ASCC3: variants seen among roughly 807,000 people sequenced by gnomAD.
ASCC3 encodes activating signal cointegrator 1 complex subunit 3.
In ASCC3, 158 loss-of-function variants were observed where a neutral mutation model predicts 256.3. The observed-to-expected ratio is 0.62, with a 90% CI of 0.54 to 0.70. The LOEUF is 0.70. Ranked by LOEUF, ASCC3 falls within the 30% of genes least tolerant of loss-of-function variation. ASCC3 has a pLI of 0.00. For missense variants in ASCC3, 2,259 were observed against 2,626.0 expected, an observed-to-expected ratio of 0.86 and a Z score of 3.05; for synonymous variants, 948 against 883.4, an observed-to-expected ratio of 1.07 and a Z score of -1.30.
At chr6:100,655,641 A>G in intron 17 of ASCC3, 58 bp downstream of exon 17, 1 of 1,565,762 alleles carries the variant, frequency 6.4e-7, no homozygotes, top group South Asian at 1.1e-5. Context: ...CTATCCTCAT[A>G]TCATGAAAGA....
intron 13 of ASCC3, among the ~76,000 whole-genome samples, chr6:100,691,704 TC>T (rs1777858357): frequency 6.6e-6 from 1 of 152,082 alleles, no homozygotes; most frequent in African/African-American, 2.4e-5. Context: ...TTAATATAAA[TC>T]AATTGTTTTT....
intron 10 of ASCC3, among the ~76,000 whole-genome samples, chr6:100,736,363 G>A (rs753967262): frequency 3.3e-5 from 5 of 152,052 alleles, no homozygotes; most frequent in Admixed American, 6.5e-5. Context: ...TTAGCTGGGC[G>A]TGGTGGCACA....
At chr6:100,533,147 C>CA (rs912148591) in intron 37 of ASCC3, among the ~76,000 whole-genome samples, 1 of 151,136 alleles carries the variant, frequency 6.6e-6, no homozygotes, top group Non-Finnish European at 1.5e-5. Context: ...GTGTTTTCTT[C>CA]AAAAGTCTGA....
At chr6:100,745,740 T>C (rs1030355463) in intron 10 of ASCC3, among the ~76,000 whole-genome samples, 6 of 152,170 alleles carry the variant, frequency 3.9e-5, no homozygotes, top group Admixed American at 3.9e-4. Context: ...TAATTTTTAA[T>C]TTTATTTAAT....
intron 10 of ASCC3, among the ~76,000 whole-genome samples, chr6:100,750,152 T>C (rs1205593047): frequency 2.0e-5 from 3 of 151,620 alleles, no homozygotes; most frequent in Admixed American, 1.3e-4. Context: ...TACTTGAAAC[T>C]AAAAAAAATT....
At chr6:100,587,719 T>C (rs1468026599) in intron 36 of ASCC3, among the ~76,000 whole-genome samples, 2 of 152,212 alleles carry the variant, frequency 1.3e-5, no homozygotes, top group African/African-American at 2.4e-5. Flanking sequence ...TATTTAGTTA[T>C]TAACTGGAGA....
At chr6:100,724,906 C>A (rs1779553389) in intron 11 of ASCC3, among the ~76,000 whole-genome samples, 1 of 152,012 alleles carries the variant, frequency 6.6e-6, no homozygotes, top group Non-Finnish European at 1.5e-5. Flanking sequence ...AATGTCTACT[C>A]TAAATCACAG....
At chr6:100,709,187 C>T (rs911419982) in intron 13 of ASCC3, among the ~76,000 whole-genome samples, 8 of 152,224 alleles carry the variant, frequency 5.3e-5, no homozygotes, top group Non-Finnish European at 7.4e-5. Flanking sequence ...GGCAAGACCA[C>T]ACAATGTGGC....
At chr6:100,555,373 A>G (rs997761036) in intron 36 of ASCC3, among the ~76,000 whole-genome samples, 2 of 152,186 alleles carry the variant, frequency 1.3e-5, no homozygotes, top group African/African-American at 2.4e-5. Context: ...TCATTGTCTT[A>G]TAAGTACTTA....
intron 4 of ASCC3, among the ~76,000 whole-genome samples, chr6:100,823,376 G>A (rs1771147545): frequency 6.6e-6 from 1 of 152,180 alleles, no homozygotes; most frequent in African/African-American, 2.4e-5. Context: ...GAAGAAGTTA[G>A]CTGCGGGTAT....
At chr6:100,610,557 T>C (rs548660911) in intron 30 of ASCC3, among the ~76,000 whole-genome samples, 17 of 152,124 alleles carry the variant, frequency 1.1e-4, no homozygotes, top group Non-Finnish European at 2.5e-4. Context: ...ACAAACTAGG[T>C]GATATTTTAA....
chr6:100,845,646 A>C (rs1772347426), intron 4 of ASCC3, among the ~76,000 whole-genome samples: 1 of 152,136 alleles, frequency 6.6e-6, no homozygotes, highest in Non-Finnish European at 1.5e-5. Flanking sequence ...AGTTATTATT[A>C]TTACTATTGT....
At chr6:100,569,988 G>A (rs1770503338) in intron 36 of ASCC3, among the ~76,000 whole-genome samples, 1 of 152,066 alleles carries the variant, frequency 6.6e-6, no homozygotes, top group East Asian at 1.9e-4. Flanking sequence ...TCCTCATAGA[G>A]TTCTTTCACC....
intron 30 of ASCC3, among the ~76,000 whole-genome samples, chr6:100,622,668 T>C (rs958298186): frequency 6.6e-6 from 1 of 151,694 alleles, no homozygotes; most frequent in African/African-American, 2.4e-5. Context: ...TAACAAATAT[T>C]TGTTAATAAA....
chr6:100,511,793 T>C (rs1773776969), intron 40 of ASCC3, among the ~76,000 whole-genome samples: 1 of 151,960 alleles, frequency 6.6e-6, no homozygotes, highest in Non-Finnish European at 1.5e-5. Context: ...TTTTTTAGAA[T>C]TAGAAATCAA....
At chr6:100,705,641 T>C (rs947881950) in intron 13 of ASCC3, among the ~76,000 whole-genome samples, 3 of 151,646 alleles carry the variant, frequency 2.0e-5, no homozygotes, top group Non-Finnish European at 2.9e-5. Flanking sequence ...GAGTATTCAC[T>C]TTTTTTTAAC....
chr6:100,872,753 T>C (rs1773808089), intron 1 of ASCC3, among the ~76,000 whole-genome samples: 1 of 152,076 alleles, frequency 6.6e-6, no homozygotes, highest in African/African-American at 2.4e-5. Flanking sequence ...CAAAGCCTGG[T>C]AGACCTGCTG....
At chr6:100,651,469 T>G (rs771331054) in intron 19 of ASCC3, 91 bp downstream of exon 19, 3 of 569,300 alleles carry the variant, frequency 5.3e-6, no homozygotes, top group Non-Finnish European at 8.8e-6. Context: ...TGATGTGCCA[T>G]ACAGCTTATA....
chr6:100,866,947 T>G (rs1218370610), intron 2 of ASCC3, among the ~76,000 whole-genome samples: 1 of 152,228 alleles, frequency 6.6e-6, no homozygotes, highest in African/African-American at 2.4e-5. Context: ...TTTCTGGAAG[T>G]CTTGATATCA....
Sources: allele counts gnomAD v4.1 joint callset (sites outside exome capture counted in the v4.1 genomes callset), GRCh38; gene constraint gnomAD v4.1.1; transcripts MANE v1.5; gene names NCBI Gene and HGNC (gene_info 2026-07-23, HGNC 2026-07-21).